The following C10orf90 variants were observed in gnomAD, a reference collection of about 807,000 sequenced individuals.
C10orf90 encodes the protein chromosome 10 open reading frame 90.
C10orf90 carries 56 observed loss-of-function variants against 62.5 expected under a neutral mutation model. The observed-to-expected ratio is 0.90, with a 90% CI of 0.72 to 1.12. The LOEUF (loss-of-function observed/expected upper bound fraction) is 1.12, where lower values mean the gene tolerates loss of function less well. Ranked by LOEUF, C10orf90 falls within the 50% of genes most tolerant of loss-of-function variation. C10orf90 has a pLI of 0.00. For synonymous variants in C10orf90, 386 were observed against 340.4 expected, an observed-to-expected ratio of 1.13 and a Z score of -1.47; for missense variants, 970 against 880.4, an observed-to-expected ratio of 1.10 and a Z score of -1.29.
At chr10:126,569,640 G>T (rs1156297537) in intron 2 of C10orf90, among the ~76,000 whole-genome samples, 1 of 152,202 alleles carries the variant, frequency 6.6e-6, no homozygotes, top group Non-Finnish European at 1.5e-5. Flanking sequence ...CAGAAAGAGG[G>T]TGTGTCTTGG....
At chr10:126,565,226 ACATATTATGTAATATAATATTTAT>A (rs1844332753) in intron 2 of C10orf90, among the ~76,000 whole-genome samples, 8 of 58,480 alleles carry the variant, frequency 1.4e-4, no homozygotes, top group African/African-American at 4.6e-4. Context: ...TTTTTATATT[ACATATTATGTAATATAATATTTAT>A]TATATTATAT....
intron 2 of C10orf90, among the ~76,000 whole-genome samples, chr10:126,547,042 G>A (rs1383881763): frequency 6.6e-6 from 1 of 151,992 alleles, no homozygotes; most frequent in Non-Finnish European, 1.5e-5. Flanking sequence ...ACAGGAGGTG[G>A]AGATTGCAAT....
intron 2 of C10orf90, among the ~76,000 whole-genome samples, chr10:126,640,180 A>G (rs34701142): frequency 0.094 from 14,327 of 152,278 alleles, 841 homozygotes; most frequent in African/African-American, 0.16. Flanking sequence ...CGGCAGGGTG[A>G]ATGCTAGCTG....
chr10:126,573,288 C>T (rs1450442657), intron 2 of C10orf90, among the ~76,000 whole-genome samples: 1 of 152,194 alleles, frequency 6.6e-6, no homozygotes, highest in Non-Finnish European at 1.5e-5. Context: ...TTTCACAGTG[C>T]TTTTCCATAC....
In C10orf90 at chr10:126,456,329, C is replaced by T. The variant is rs1006502794; in HGVS notation, c.2188+2711G>A. Among the ~76,000 whole-genome samples, 12 of 152,094 alleles carry T rather than the reference C, an allele frequency of 7.9e-5. No individual in the cohort carries two copies. The highest frequency in any genetic ancestry group is 2.0e-4 in the Admixed American group (3 of 15,274). On this transcript the variant is annotated intron_variant, in intron 7 of 9. Transcript: ENST00000488181. This position sits in a 1 kb window ranked among gnomAD's most constrained non-coding sequence, Gnocchi z 4.9. ...TAAAGCTCTCATCGACACATAAATACGGCAGGGATGGTCAGGGTGGCCATA... is the reference window on the plus strand; with the variant it reads ...TAAAGCTCTCATCGACACATAAATATGGCAGGGATGGTCAGGGTGGCCATA...
intron 1 of C10orf90, among the ~76,000 whole-genome samples, chr10:126,648,452 A>C (rs1458468875): frequency 1.3e-5 from 2 of 152,222 alleles, no homozygotes; most frequent in Admixed American, 1.3e-4. Flanking sequence ...CTGTTATAGC[A>C]GCACAAAGAA....
intron 2 of C10orf90, among the ~76,000 whole-genome samples, chr10:126,625,450 G>C (rs1045381833): frequency 6.6e-6 from 1 of 152,166 alleles, no homozygotes; most frequent in Non-Finnish European, 1.5e-5. Flanking sequence ...CAGGTGTTTA[G>C]CATCCTGCTT....
At chr10:126,485,135 T>C (rs914592756) in intron 4 of C10orf90, among the ~76,000 whole-genome samples, 1 of 152,112 alleles carries the variant, frequency 6.6e-6, no homozygotes, top group Admixed American at 6.5e-5. Flanking sequence ...CCCTCATAAA[T>C]TGGATTAGTG....
chr10:126,611,927 C>A (rs1308148612), intron 2 of C10orf90, among the ~76,000 whole-genome samples: 4 of 152,172 alleles, frequency 2.6e-5, no homozygotes, highest in African/African-American at 9.7e-5. Context: ...ATATGGTAAC[C>A]ACTAACCATG....
intron 7 of C10orf90, among the ~76,000 whole-genome samples, chr10:126,433,735 A>C (rs1857733827): frequency 6.6e-6 from 1 of 152,182 alleles, no homozygotes; most frequent in African/African-American, 2.4e-5. Flanking sequence ...ACAAAACGAA[A>C]ACAAAACAAA....
intron 2 of C10orf90, among the ~76,000 whole-genome samples, chr10:126,515,879 T>C (rs762066676): frequency 4.6e-5 from 7 of 152,140 alleles, no homozygotes; most frequent in Admixed American, 2.0e-4. Context: ...CCTGCCTCCA[T>C]CTATGACTGC....
chr10:126,489,329 TA>T (rs1193596574), intron 4 of C10orf90, among the ~76,000 whole-genome samples: 1 of 151,914 alleles, frequency 6.6e-6, no homozygotes, highest in East Asian at 1.9e-4. Flanking sequence ...CACCAATGCA[TA>T]AAAAAGTTCT....
intron 2 of C10orf90, among the ~76,000 whole-genome samples, chr10:126,626,180 G>A (rs928762047): frequency 1.5e-4 from 23 of 150,544 alleles, no homozygotes; most frequent in African/African-American, 5.6e-4. Context: ...TTGATTTCCT[G>A]GTAAATAAGC....
At chr10:126,536,231 A>G (rs1416501781) in intron 2 of C10orf90, among the ~76,000 whole-genome samples, 2 of 152,102 alleles carry the variant, frequency 1.3e-5, no homozygotes, top group Non-Finnish European at 2.9e-5. Flanking sequence ...TACTACTTTG[A>G]ACTTGGGGAA....
At chr10:126,610,553 C>T (rs1054994907) in intron 2 of C10orf90, among the ~76,000 whole-genome samples, 1 of 152,250 alleles carries the variant, frequency 6.6e-6, no homozygotes, top group Non-Finnish European at 1.5e-5. Context: ...TCTGGGAAGG[C>T]AGACACCACC....
rs1045218831 is a variant in C10orf90, at chr10:126,487,336, A to G, written c.1534+16621T>C. Among the ~76,000 whole-genome samples the G allele has an allele frequency of 1.3e-5, 2 of 152,072 alleles. 1 individual carries two copies. Among genetic ancestry groups the G allele is most frequent in the South Asian group, 4.2e-4 (2 of 4,818 alleles). ...AGGATAACACATCATTAAAAGAACC[A>G]AAAAGAAATCCACTTTAAATACATT... On this transcript the variant is annotated intron_variant, in intron 4 of 9. Coordinates refer to ENST00000488181, the MANE Select transcript of C10orf90 (RefSeq NM_001350921.2).
intron 1 of C10orf90, among the ~76,000 whole-genome samples, chr10:126,669,845 G>A (rs1019716777): frequency 1.6e-4 from 25 of 151,958 alleles, no homozygotes; most frequent in African/African-American, 5.5e-4. Flanking sequence ...CCTACAAAAC[G>A]CAACAGGAAA....
chr10:126,633,518 A>C (rs745316708), intron 2 of C10orf90, among the ~76,000 whole-genome samples: 6 of 152,208 alleles, frequency 3.9e-5, no homozygotes, highest in Admixed American at 6.5e-5. Context: ...GCAAGCTGGG[A>C]GAAGAGTGGC....
intron 2 of C10orf90, among the ~76,000 whole-genome samples, chr10:126,640,496 A>G (rs1846038631): frequency 6.6e-6 from 1 of 152,196 alleles, no homozygotes; most frequent in South Asian, 2.1e-4. Context: ...GCTTGGAAAC[A>G]TAGAGATGAG....
Sources: gnomAD v4.1 joint callset for allele counts (sites outside exome capture counted in the v4.1 genomes callset) on GRCh38, gnomAD v4.1.1 for gene constraint, Gnocchi (gnomAD v3.1) non-coding constraint, MANE v1.5 for transcripts, NCBI Gene and HGNC (gene_info 2026-07-23, HGNC 2026-07-21) for gene names.